SLC24A2: variants seen among roughly 807,000 people sequenced by gnomAD.
SLC24A2 encodes the protein sodium/potassium/calcium exchanger 2.
A neutral mutation model predicts 62.0 loss-of-function variants in SLC24A2; 36 were observed. The observed-to-expected ratio is 0.58, with a 90% CI of 0.44 to 0.77. The LOEUF (loss-of-function observed/expected upper bound fraction) is 0.77. Ranked by LOEUF, SLC24A2 falls within the 30% of genes least tolerant of loss-of-function variation. The pLI, the probability that SLC24A2 is intolerant of heterozygous loss-of-function variation, is 0.00. For missense variants in SLC24A2, 846 were observed against 817.9 expected (o/e 1.03, Z -0.42); for synonymous variants, 358 against 294.0 (o/e 1.22, Z -2.23).
chr9:19,890,741 A>T, the SLC24A2 span, among the ~76,000 whole-genome samples: 4 of 152,034 alleles, frequency 2.6e-5, no homozygotes, highest in South Asian at 8.3e-4. Context: ...GAATTCCTGG[A>T]CTCAAGCAAT....
At chr9:19,856,844 G>A in the SLC24A2 span, among the ~76,000 whole-genome samples, 2 of 152,158 alleles carry the variant, frequency 1.3e-5, no homozygotes, top group African/African-American at 4.8e-5. Flanking sequence ...ACTGCACTGG[G>A]GAGAAATCCC....
intron 4 of SLC24A2, among the ~76,000 whole-genome samples, chr9:19,614,165 A>C (rs1206503725): frequency 1.3e-5 from 2 of 152,200 alleles, no homozygotes; most frequent in Non-Finnish European, 2.9e-5. Context: ...GAAAATGTTA[A>C]AATCAATATA....
chr9:20,008,144 C>CTTT, the SLC24A2 span, among the ~76,000 whole-genome samples: 1 of 151,950 alleles, frequency 6.6e-6, no homozygotes, highest in Non-Finnish European at 1.5e-5. Flanking sequence ...GATCCACCCA[C>CTTT]CTCAGCCTCC....
At chr9:20,230,658 A>G in the SLC24A2 span, among the ~76,000 whole-genome samples, 1 of 152,186 alleles carries the variant, frequency 6.6e-6, no homozygotes, top group African/African-American at 2.4e-5. Flanking sequence ...AGTAGATTGC[A>G]AAAATTTTCT....
At chr9:19,758,007 C>T (rs1822199261) in intron 2 of SLC24A2, among the ~76,000 whole-genome samples, 1 of 152,094 alleles carries the variant, frequency 6.6e-6, no homozygotes, top group African/African-American at 2.4e-5. Flanking sequence ...TCCCCAGAAG[C>T]CAGGGCCATG....
At chr9:19,630,872 C>T (rs907625294) in intron 2 of SLC24A2, among the ~76,000 whole-genome samples, 1 of 152,192 alleles carries the variant, frequency 6.6e-6, no homozygotes, top group Non-Finnish European at 1.5e-5. Flanking sequence ...ACCAGTCTCA[C>T]TCCTTGATCT....
chr9:19,812,885 G>A, the SLC24A2 span, among the ~76,000 whole-genome samples: 45 of 152,226 alleles, frequency 3.0e-4, 1 homozygote, highest in South Asian at 9.1e-3. Flanking sequence ...TGCTCCTAAG[G>A]TGTATCCCTC....
chr9:20,264,054 C>A, the SLC24A2 span, among the ~76,000 whole-genome samples: 1 of 152,126 alleles, frequency 6.6e-6, no homozygotes, highest in Non-Finnish European at 1.5e-5. Flanking sequence ...CTTCCTCCTG[C>A]CAATCTGACT....
At chr9:20,080,478 A>T in the SLC24A2 span, among the ~76,000 whole-genome samples, 1 of 152,170 alleles carries the variant, frequency 6.6e-6, no homozygotes, top group Non-Finnish European at 1.5e-5. Flanking sequence ...AAATTAATTC[A>T]AGATGGATTA....
At chr9:20,129,626 A>C in the SLC24A2 span, among the ~76,000 whole-genome samples, 1 of 152,260 alleles carries the variant, frequency 6.6e-6, no homozygotes, top group African/African-American at 2.4e-5. Context: ...GATACATGCT[A>C]CAACATGGAT....
chr9:19,636,343 C>CTT, intron 2 of SLC24A2, among the ~76,000 whole-genome samples: 1 of 29,638 alleles, frequency 3.4e-5, no homozygotes, highest in Non-Finnish European at 6.6e-5. Flanking sequence ...TTCTTTCTTT[C>CTT]TTTCTTTCTT....
chr9:20,191,741 A>G, the SLC24A2 span, among the ~76,000 whole-genome samples: 2 of 151,702 alleles, frequency 1.3e-5, no homozygotes, highest in African/African-American at 4.8e-5. Context: ...AAGGGATGCT[A>G]TGCAGTGGGT....
chr9:19,784,950 T>G (rs1279008010), intron 2 of SLC24A2, among the ~76,000 whole-genome samples: 1 of 151,948 alleles, frequency 6.6e-6, no homozygotes, highest in Non-Finnish European at 1.5e-5. Context: ...AACAAAATCT[T>G]TCACCCCCTG....
chr9:20,108,026 A>C, the SLC24A2 span, among the ~76,000 whole-genome samples: 139 of 152,314 alleles, frequency 9.1e-4, no homozygotes, highest in African/African-American at 2.9e-3. Context: ...ACCCCATCAA[A>C]AAGTGGTTGA....
At chr9:20,196,699 C>T in the SLC24A2 span, among the ~76,000 whole-genome samples, 7 of 152,142 alleles carry the variant, frequency 4.6e-5, no homozygotes, top group Non-Finnish European at 1.0e-4. Context: ...GCCAAGGAGG[C>T]CTGCAAAGGA....
intron 2 of SLC24A2, among the ~76,000 whole-genome samples, chr9:19,749,567 A>G (rs1051558000): frequency 1.3e-5 from 2 of 152,184 alleles, no homozygotes; most frequent in Non-Finnish European, 2.9e-5. Flanking sequence ...TAGGCATTAT[A>G]AGAAATGTTC....
At chr9:20,014,360 G>T in the SLC24A2 span, among the ~76,000 whole-genome samples, 60,526 of 151,624 alleles carry the variant, frequency 0.4, 13,515 homozygotes, top group Non-Finnish European at 0.52. Context: ...GTATGACCCA[G>T]TAACCCCACT....
At chr9:19,988,202 G>T in the SLC24A2 span, among the ~76,000 whole-genome samples, 1 of 152,048 alleles carries the variant, frequency 6.6e-6, no homozygotes, top group Non-Finnish European at 1.5e-5. Flanking sequence ...TCCCAGACAA[G>T]CTACCTTGCA....
chr9:20,240,814 A>C, the SLC24A2 span, among the ~76,000 whole-genome samples: 1 of 152,176 alleles, frequency 6.6e-6, no homozygotes, highest in Non-Finnish European at 1.5e-5. Flanking sequence ...ACAAATGGAC[A>C]TCGATTGATC....
Sources: gnomAD v4.1 joint callset for allele counts (sites outside exome capture counted in the v4.1 genomes callset) on GRCh38, gnomAD v4.1.1 for gene constraint, MANE v1.5 for transcripts, NCBI Gene and HGNC (gene_info 2026-07-23, HGNC 2026-07-21) for gene names.